The following STPG2 variants were observed in gnomAD, a reference collection of about 807,000 sequenced individuals.
The protein encoded by STPG2 is sperm tail PG-rich repeat containing 2.
Under a neutral mutation model 54.2 loss-of-function variants are expected in STPG2, and 56 were observed. That is an observed-to-expected ratio of 1.03 (90% CI 0.83 to 1.29). The LOEUF (loss-of-function observed/expected upper bound fraction) is 1.29. Ranked by LOEUF, STPG2 falls within the 50% of genes most tolerant of loss-of-function variation. The pLI, the probability that STPG2 is intolerant of heterozygous loss-of-function variation, is 0.00. For synonymous variants in STPG2, 200 were observed against 181.8 expected, an observed-to-expected ratio of 1.10 and a Z score of -0.81; for missense variants, 596 against 544.9, an observed-to-expected ratio of 1.09 and a Z score of -0.93.
intron 8 of STPG2, among the ~76,000 whole-genome samples, chr4:97,928,327 C>G (rs1225564527): frequency 6.6e-6 from 1 of 152,118 alleles, no homozygotes; most frequent in East Asian, 1.9e-4. Context: ...TCCTTACTTT[C>G]TAACTCTTGG....
intron 4 of STPG2, among the ~76,000 whole-genome samples, chr4:97,537,450 G>C (rs775888992): frequency 6.6e-6 from 1 of 152,200 alleles, no homozygotes; most frequent in African/African-American, 2.4e-5. Context: ...CTTGTTGCTA[G>C]CACAGCAGTC....
chr4:97,852,900 A>G (rs1053923267), intron 8 of STPG2, among the ~76,000 whole-genome samples: 4 of 151,168 alleles, frequency 2.6e-5, no homozygotes, highest in Non-Finnish European at 5.9e-5. Context: ...AAAAAGGCAA[A>G]TTGCACATTT....
At chr4:97,633,402 A>G (rs2148935232) in intron 10 of STPG2, 1 of 152,344 alleles carries the variant, frequency 6.6e-6, no homozygotes, top group East Asian at 1.9e-4. Context: ...TACTCAATAA[A>G]GTAATGAAAT....
chr4:98,045,384 G>A (rs1472070268), intron 5 of STPG2, among the ~76,000 whole-genome samples: 1 of 151,956 alleles, frequency 6.6e-6, no homozygotes, highest in Non-Finnish European at 1.5e-5. Flanking sequence ...TTTTTTGGTG[G>A]GAAGAGAGAT....
At chr4:97,452,282 C>T (rs567583537) in intron 4 of STPG2, among the ~76,000 whole-genome samples, 6 of 152,264 alleles carry the variant, frequency 3.9e-5, no homozygotes, top group Admixed American at 1.3e-4. Context: ...CGGCTCTCCA[C>T]ACCTTCTCCA....
intron 9 of STPG2, among the ~76,000 whole-genome samples, chr4:97,796,343 T>C (rs1390160268): frequency 6.6e-6 from 1 of 152,214 alleles, no homozygotes; most frequent in Non-Finnish European, 1.5e-5. Context: ...GGTCTAACAT[T>C]GAAGTCTTTA....
intron 4 of STPG2, among the ~76,000 whole-genome samples, chr4:97,473,734 G>A (rs1003742644): frequency 2.6e-5 from 4 of 152,036 alleles, no homozygotes; most frequent in Non-Finnish European, 5.9e-5. Flanking sequence ...TGGTTTCACG[G>A]CTCAGGGGGC....
intron 4 of STPG2, among the ~76,000 whole-genome samples, chr4:97,473,646 G>A (rs919954981): frequency 6.6e-6 from 1 of 152,040 alleles, no homozygotes; most frequent in African/African-American, 2.4e-5. Flanking sequence ...CTATTACCTT[G>A]TGAACCACGT....
intron 8 of STPG2, among the ~76,000 whole-genome samples, chr4:97,895,819 T>C (rs1019937655): frequency 6.6e-6 from 1 of 151,904 alleles, no homozygotes; most frequent in South Asian, 2.1e-4. Flanking sequence ...TCTGTGGGAA[T>C]CACTTGGAGA....
chr4:97,597,273 A>G (rs117566330), intron 10 of STPG2, among the ~76,000 whole-genome samples: 1 of 152,082 alleles, frequency 6.6e-6, no homozygotes, highest in African/African-American at 2.4e-5. Context: ...TAAAAATCCT[A>G]CCAATGAAAA....
rs180773565 is a variant in STPG2, at chr4:97,507,701, C to T, written c.462+204998G>A. Among the ~76,000 whole-genome samples the T allele has an allele frequency of 2.0e-5, 3 of 152,044 alleles. No individual in the cohort carries two copies. In the East Asian group the frequency reaches 5.8e-4, roughly 30 times the overall value. ...TAAGGGGCTAGAAAGACTCATAGTA[C>T]TCAGAAAAGTGCTATACATATGATG... On this transcript the variant is annotated intron_variant, in intron 4 of 4. Coordinates refer to the STPG2 transcript ENST00000522676.
intron 8 of STPG2, among the ~76,000 whole-genome samples, chr4:97,880,257 C>A (rs944249371): frequency 6.6e-6 from 1 of 152,132 alleles, no homozygotes; most frequent in Admixed American, 6.6e-5. Context: ...AGATCCTTTA[C>A]ATTTTGTTTC....
chr4:98,122,151 A>G (rs142142848), intron 3 of STPG2, among the ~76,000 whole-genome samples: 181 of 152,286 alleles, frequency 1.2e-3, no homozygotes, highest in African/African-American at 4.2e-3. Context: ...GCAAACAAAG[A>G]TAATTTGACT....
chr4:97,847,802 C>G (rs1181415269), intron 8 of STPG2, among the ~76,000 whole-genome samples: 2 of 149,492 alleles, frequency 1.3e-5, no homozygotes, highest in African/African-American at 4.9e-5. Context: ...TTTAGCCAAG[C>G]CTAAAAATAC....
chr4:98,066,223 A>G (rs895960043), intron 5 of STPG2, among the ~76,000 whole-genome samples: 1 of 152,188 alleles, frequency 6.6e-6, no homozygotes, highest in African/African-American at 2.4e-5. Flanking sequence ...TAAAAGGAAA[A>G]TTCAGTATGG....
intron 10 of STPG2, among the ~76,000 whole-genome samples, chr4:97,697,068 T>A (rs1723600050): frequency 1.3e-5 from 2 of 152,160 alleles, no homozygotes; most frequent in South Asian, 4.1e-4. Flanking sequence ...ATTGCACCTC[T>A]CTGTCTGCAT....
intron 5 of STPG2, among the ~76,000 whole-genome samples, chr4:98,022,513 G>A (rs1021342502): frequency 4.0e-5 from 6 of 150,902 alleles, no homozygotes; most frequent in South Asian, 2.1e-4. Context: ...TGCTCTTCTC[G>A]AGGAGTATCT....
At chr4:97,543,939 A>G (rs1439538936) in intron 4 of STPG2, among the ~76,000 whole-genome samples, 1 of 152,100 alleles carries the variant, frequency 6.6e-6, no homozygotes, top group African/African-American at 2.4e-5. Flanking sequence ...TCTACTTACC[A>G]CACATTAGTA....
intron 9 of STPG2, among the ~76,000 whole-genome samples, chr4:97,763,709 C>T (rs1725955733): frequency 6.6e-6 from 1 of 152,024 alleles, no homozygotes; most frequent in South Asian, 2.1e-4. Context: ...ACTCCAGGCC[C>T]ATGGAGGGAA....
Sources: allele counts gnomAD v4.1 joint callset (sites outside exome capture counted in the v4.1 genomes callset), GRCh38; gene constraint gnomAD v4.1.1; transcripts MANE v1.5; gene names NCBI Gene and HGNC (gene_info 2026-07-23, HGNC 2026-07-21).